SH3GL2: variants seen among roughly 807,000 people sequenced by gnomAD.
SH3GL2 encodes the protein endophilin-A1.
In SH3GL2, 24 loss-of-function variants were observed where a neutral mutation model predicts 46.0. That is an observed-to-expected ratio of 0.52 (90% CI 0.38 to 0.73). The LOEUF is 0.73. Ranked by LOEUF, SH3GL2 falls within the 30% of genes least tolerant of loss-of-function variation. SH3GL2 has a pLI of 0.00. For synonymous variants in SH3GL2, 196 were observed against 147.1 expected (o/e 1.33, Z -2.40); for missense variants, 413 against 424.2 (o/e 0.97, Z 0.23).
rs926599723 is a variant in SH3GL2, at chr9:17,643,959, T to G, written c.45+64672T>G. Among the ~76,000 whole-genome samples the G allele has an allele frequency of 1.4e-4, 21 of 152,224 alleles. 1 individual carries two copies. The highest frequency in any genetic ancestry group is 8.5e-4 in the Admixed American group (13 of 15,276). On this transcript the variant is annotated intron_variant, in intron 1 of 8. Transcript: ENST00000380607. ...AGAATTCAGCTGTGAATTCGTCTGG[T>G]CCTGGGCTTTTCTTTGGTTGGTAGG...
At chr9:17,745,978 A>G (rs1329200319) in intron 1 of SH3GL2, among the ~76,000 whole-genome samples, 1 of 152,230 alleles carries the variant, frequency 6.6e-6, no homozygotes, top group East Asian at 1.9e-4. Context: ...TGCCATTAAC[A>G]TTTAGTATTT....
chr9:17,701,909 A>G (rs533007549), intron 1 of SH3GL2, among the ~76,000 whole-genome samples: 4 of 152,256 alleles, frequency 2.6e-5, no homozygotes, highest in African/African-American at 9.6e-5. Flanking sequence ...GTAATGTGAT[A>G]CTTATACAAA....
Position 17,754,008 on chromosome 9 carries a change from T to C in SH3GL2, c.114+6874T>C, listed in dbSNP as rs1367761319. Among the ~76,000 whole-genome samples the C allele has an allele frequency of 2.6e-5, 4 of 152,342 alleles. No homozygotes were observed. The East Asian group carries it at 7.7e-4, about 29-fold the overall frequency. ...AACTGTAGGTGTGCAGTTTTATTTC[T>C]GAGATCTCTATTCTATTCTGTTGGT... is the stretch of plus-strand genomic sequence containing the variant. On this transcript the variant is annotated intron_variant, in intron 2 of 8. Coordinates refer to ENST00000380607, the MANE Select transcript of SH3GL2 (RefSeq NM_003026.5).
intron 8 of SH3GL2, among the ~76,000 whole-genome samples, chr9:17,794,008 AGAT>A (rs1824205896): frequency 1.3e-5 from 2 of 152,230 alleles, no homozygotes; most frequent in South Asian, 4.1e-4. Flanking sequence ...TATTTGTAGA[AGAT>A]GATATTTTGA....
At chr9:17,780,026 C>T (rs536952461) in intron 3 of SH3GL2, among the ~76,000 whole-genome samples, 19 of 152,234 alleles carry the variant, frequency 1.2e-4, no homozygotes, top group South Asian at 6.2e-4. Context: ...TAAAAACTGC[C>T]GTGTCCAGAC....
intron 1 of SH3GL2, among the ~76,000 whole-genome samples, chr9:17,617,838 C>T (rs576495293): frequency 1.6e-4 from 24 of 152,144 alleles, no homozygotes; most frequent in African/African-American, 5.8e-4. Context: ...TATGTCAGGA[C>T]CATCTTCTGT....
intron 1 of SH3GL2, among the ~76,000 whole-genome samples, chr9:17,706,493 AT>A (rs1821476264): frequency 6.6e-6 from 1 of 152,026 alleles, no homozygotes; most frequent in Admixed American, 6.6e-5. Flanking sequence ...TCCTAAAGAA[AT>A]CCATAGCTGG....
intron 1 of SH3GL2, among the ~76,000 whole-genome samples, chr9:17,728,765 G>C (rs1822092789): frequency 6.6e-6 from 1 of 152,102 alleles, no homozygotes; most frequent in Admixed American, 6.6e-5. Flanking sequence ...TGAGAATGAT[G>C]GTTTCCATCC....
chr9:17,722,913 T>C (rs907435274), intron 1 of SH3GL2, among the ~76,000 whole-genome samples: 1 of 152,130 alleles, frequency 6.6e-6, no homozygotes, highest in African/African-American at 2.4e-5. Context: ...TGTCAGCTCA[T>C]TATCTCAGCT....
intron 1 of SH3GL2, among the ~76,000 whole-genome samples, chr9:17,644,308 C>G (rs116985384): frequency 6.6e-6 from 1 of 151,534 alleles, no homozygotes; most frequent in Non-Finnish European, 1.5e-5. Context: ...ATTGATTTTT[C>G]GAAGGGTTTT....
chr9:17,607,742 A>G (rs554350994), intron 1 of SH3GL2, among the ~76,000 whole-genome samples: 3 of 152,360 alleles, frequency 2.0e-5, no homozygotes, highest in South Asian at 4.1e-4. Context: ...TGAATGGCTA[A>G]AAATTCCAGC....
intron 1 of SH3GL2, among the ~76,000 whole-genome samples, chr9:17,657,382 A>G (rs1820111281): frequency 6.6e-6 from 1 of 152,320 alleles, no homozygotes; most frequent in Admixed American, 6.5e-5. Context: ...GTTGTCTTCT[A>G]GGTCACCCTT....
At chr9:17,701,349 G>A (rs1437718154) in intron 1 of SH3GL2, among the ~76,000 whole-genome samples, 2 of 152,122 alleles carry the variant, frequency 1.3e-5, no homozygotes, top group African/African-American at 4.8e-5. Flanking sequence ...AAAATGAAGA[G>A]GGAAACCGAA....
At chr9:17,596,441 A>T (rs1369519387) in intron 1 of SH3GL2, among the ~76,000 whole-genome samples, 1 of 151,852 alleles carries the variant, frequency 6.6e-6, no homozygotes, top group Non-Finnish European at 1.5e-5. Flanking sequence ...TGTATAGGGT[A>T]TTGGAGTGCT....
At chr9:17,655,431 G>C (rs1013988783) in intron 1 of SH3GL2, among the ~76,000 whole-genome samples, 5 of 152,062 alleles carry the variant, frequency 3.3e-5, no homozygotes, top group African/African-American at 1.2e-4. Context: ...TATGCGCTGA[G>C]TCCATTCTAA....
intron 1 of SH3GL2, among the ~76,000 whole-genome samples, chr9:17,669,022 A>G (rs1196859949): frequency 6.6e-6 from 1 of 152,134 alleles, no homozygotes; most frequent in Non-Finnish European, 1.5e-5. Flanking sequence ...CATATACTAA[A>G]TTTGCATATG....
chr9:17,632,387 ATTTTGAT>A (rs1161938494), intron 1 of SH3GL2, among the ~76,000 whole-genome samples: 2 of 152,070 alleles, frequency 1.3e-5, no homozygotes, highest in African/African-American at 2.4e-5. Context: ...TACAGTAATT[ATTTTGAT>A]TTTTGATTTT....
intron 1 of SH3GL2, among the ~76,000 whole-genome samples, chr9:17,615,996 G>A (rs921330218): frequency 2.0e-5 from 3 of 152,140 alleles, no homozygotes; most frequent in Admixed American, 2.0e-4. Context: ...CCAGAGAGAT[G>A]TTTCTGGGAA....
intron 1 of SH3GL2, among the ~76,000 whole-genome samples, chr9:17,729,376 T>G (rs1822112084): frequency 6.6e-6 from 1 of 152,194 alleles, no homozygotes; most frequent in African/African-American, 2.4e-5. Flanking sequence ...CTTTGTCAGA[T>G]GGATAGATTG....
Sources: gnomAD v4.1 joint callset for allele counts (sites outside exome capture counted in the v4.1 genomes callset) on GRCh38, gnomAD v4.1.1 for gene constraint, MANE v1.5 for transcripts, NCBI Gene and HGNC (gene_info 2026-07-23, HGNC 2026-07-21) for gene names.